Variants in CCDC81 observed in about 807,000 individuals in gnomAD.
CCDC81 encodes the protein coiled-coil domain-containing protein 81.
Under a neutral mutation model 83.7 loss-of-function variants are expected in CCDC81, and 79 were observed. The observed-to-expected ratio is 0.94, with a 90% CI of 0.79 to 1.14. The LOEUF is 1.14. CCDC81 is among the 50% of genes most tolerant of loss of function. The probability of loss-of-function intolerance (pLI) is 0.00; values close to 1 mark genes in which losing one functional copy is unlikely to be tolerated. For synonymous variants in CCDC81, 252 were observed against 278.1 expected (o/e 0.91, Z 0.93); for missense variants, 791 against 778.1 (o/e 1.02, Z -0.20).
intron 6 of CCDC81, 40 bp from the exon 7 acceptor site, chr11:86,400,638 T>C: frequency 2.6e-6 from 4 of 1,565,040 alleles, no homozygotes; most frequent in Non-Finnish European, 3.5e-6. Flanking sequence ...GGTTTGAGAG[T>C]TGAAAGGAGA....
intron 7 of CCDC81, among the ~76,000 whole-genome samples, chr11:86,407,028 A>C (rs764588309): frequency 5.3e-5 from 8 of 152,104 alleles, no homozygotes; most frequent in African/African-American, 4.8e-5. Flanking sequence ...TCAGATATCT[A>C]CACTGTTGTT....
Position 86,398,124 on chromosome 11 carries a change from C to T in CCDC81, c.757+382C>T, listed in dbSNP as rs144239409. The stretch of plus-strand genomic sequence containing the variant: ...TGCTGGGATTACAGGCATGAACCAC[C>T]GCACCCAGCCACAAATAATCACTAT... On this transcript the variant is annotated intron_variant, in intron 6 of 14. Coordinates refer to ENST00000445632, the MANE Select transcript of CCDC81 (RefSeq NM_001156474.2). 1.8e-4 allele frequency among the ~76,000 whole-genome samples: 28 copies of T among 152,226 alleles called. No individual in the cohort carries two copies. The East Asian group carries it at 4.8e-3, about 26-fold the overall frequency.
At chr11:86,419,039 A>G (rs1045665760) in intron 13 of CCDC81, 3 of 152,232 alleles carry the variant, frequency 2.0e-5, no homozygotes, top group African/African-American at 7.2e-5. Flanking sequence ...TTGTTAGATG[A>G]AAAGGTGTGC....
Position 86,422,816 on chromosome 11 carries a change from C to T in CCDC81, c.*101C>T, listed in dbSNP as rs768269628. 21 of 1,219,636 alleles carry T rather than the reference C, an allele frequency of 1.7e-5. No homozygotes were observed. The highest frequency in any genetic ancestry group is 2.3e-5 in the Non-Finnish European group (20 of 872,888). The allele number at this position is 1,219,636 out of a possible 1,614,324, so 75.6% of individuals were successfully genotyped here. A position where few individuals can be genotyped will look rare whatever the true frequency, so the allele number is the denominator to read the frequency against. ...GTATTTTTACCTCAGAGAAAAAAAT[C>T]ATTGTTTAGGTTTGGTGCTTTCATT... On this transcript the variant is annotated 3_prime_UTR_variant, in exon 15 of 15. Transcript: ENST00000445632.
At chr11:86,408,534 A>T (rs1948594202) in intron 9 of CCDC81, among the ~76,000 whole-genome samples, 1 of 152,044 alleles carries the variant, frequency 6.6e-6, no homozygotes, top group African/African-American at 2.4e-5. Flanking sequence ...GGGTTTCACC[A>T]TGTTGCCCAG....
intron 7 of CCDC81, among the ~76,000 whole-genome samples, chr11:86,401,498 C>T (rs1436042109): frequency 1.3e-5 from 2 of 152,062 alleles, no homozygotes; most frequent in Admixed American, 6.6e-5. Context: ...TTACTAAAGT[C>T]ATGTTAAAAA....
Position 86,422,959 on chromosome 11 carries a change from T to G in CCDC81, c.*244T>G. 1 of 424,924 alleles carries G rather than the reference T, an allele frequency of 2.4e-6. No individual in the cohort carries two copies. Among genetic ancestry groups the G allele is most frequent in the Non-Finnish European group, 4.2e-6 (1 of 237,682 alleles). The allele number at this position is 424,924 out of a possible 1,614,324, so 26.3% of individuals were successfully genotyped here. ...CTGAATGGTCCTGAGGGCTAGAACC[T>G]GCTGCACAGGGGCTGGGAATGGGAT... On this transcript the variant is annotated 3_prime_UTR_variant, in exon 15 of 15. Transcript: ENST00000445632.
intron 3 of CCDC81, among the ~76,000 whole-genome samples, chr11:86,388,210 C>CTTCCTTCCT (rs1555190674): frequency 6.9e-6 from 1 of 144,296 alleles, no homozygotes; most frequent in Non-Finnish European, 1.5e-5. Context: ...CCCTCCTTCC[C>CTTCCTTCCT]TCCTTCCTTC....
At chr11:86,422,455 C>T (rs1948805659) in intron 14 of CCDC81, 119 bp from the exon 15 acceptor site, 1 of 828,724 alleles carries the variant, frequency 1.2e-6, no homozygotes, top group East Asian at 2.5e-5. Context: ...CTGCAGCATA[C>T]AGGCAGAGAA....
chr11:86,402,408 A>G (rs886498513), intron 7 of CCDC81, among the ~76,000 whole-genome samples: 18 of 152,170 alleles, frequency 1.2e-4, no homozygotes, highest in African/African-American at 4.3e-4. Context: ...GTTACATTTA[A>G]TAAGTGGTGA....
intron 14 of CCDC81, among the ~76,000 whole-genome samples, chr11:86,421,102 G>C (rs181420579): frequency 1.3e-3 from 200 of 152,258 alleles, no homozygotes; most frequent in African/African-American, 4.6e-3. Flanking sequence ...CTTCTCTGAG[G>C]ACCTAGGCCA....
chr11:86,382,244 A>C (rs933302992), intron 1 of CCDC81, among the ~76,000 whole-genome samples: 3 of 152,168 alleles, frequency 2.0e-5, no homozygotes, highest in African/African-American at 7.2e-5. Context: ...GGGAATGAAT[A>C]GGAGGGTCAA....
intron 13 of CCDC81, 99 bp downstream of exon 13, chr11:86,415,412 A>C: frequency 6.8e-6 from 6 of 887,830 alleles, no homozygotes; most frequent in Non-Finnish European, 1.1e-5. Context: ...CATCTTTCTC[A>C]TACAATAGTG....
In CCDC81 at chr11:86,412,513, TAC is replaced by T; in HGVS notation, c.1347_1348del (p.Tyr449Ter). 1 of 1,613,628 alleles carries T rather than the reference TAC, an allele frequency of 6.2e-7. No individual in the cohort carries two copies. Among genetic ancestry groups the T allele is most frequent in the Non-Finnish European group, 8.5e-7 (1 of 1,179,860 alleles). On this transcript the variant is annotated frameshift_variant, in exon 11 of 15. Transcript: ENST00000445632. LOFTEE classifies it high-confidence loss of function. ...GGAAAACGAAATAAAGCAAAGACAA[TAC>T]AGAGAGTTGATGGACCGCCTGGAAC... Reference protein sequence around the residue: ...RQENEIKQRQYRELMDRLEQV... With the variant: ...RQENEIKQRQXRELMDRLEQV...
intron 7 of CCDC81, among the ~76,000 whole-genome samples, chr11:86,404,206 C>G (rs1438304931): frequency 6.6e-6 from 1 of 152,302 alleles, no homozygotes; most frequent in South Asian, 2.1e-4. Context: ...CGCCCCACCC[C>G]AGATTTTGAG....
At chr11:86,394,475 G>A (rs1029496052) in intron 4 of CCDC81, among the ~76,000 whole-genome samples, 1 of 152,188 alleles carries the variant, frequency 6.6e-6, no homozygotes, top group African/African-American at 2.4e-5. Context: ...TCATGGAATT[G>A]TAGGTTAATC....
intron 1 of CCDC81, among the ~76,000 whole-genome samples, chr11:86,381,872 G>A (rs988935158): frequency 6.6e-6 from 1 of 152,174 alleles, no homozygotes; most frequent in African/African-American, 2.4e-5. Context: ...GAGTTGTGAA[G>A]AATGAGTTGG....
At position 86,414,869 on chromosome 11, in the gene CCDC81, T is replaced by TAAGG; in HGVS notation, c.1470+3_1470+6dup. ...TACAAGAGAGCTTTGGATGCACAGGTAAGGGGACAGACAAATATTATTTTT... is the reference window on the plus strand; with the variant it reads ...TACAAGAGAGCTTTGGATGCACAGGTAAGGAAGGGGACAGACAAATATTATTTTT... On this transcript the variant is annotated splice_region_variant and intron_variant, in intron 12 of 14. Transcript: ENST00000445632. The TAAGG allele has an allele frequency of 6.3e-7, 1 of 1,596,888 alleles. No individual in the cohort carries two copies. Among genetic ancestry groups the TAAGG allele is most frequent in the Non-Finnish European group, 8.5e-7 (1 of 1,174,416 alleles).
rs1046178056 is a variant in CCDC81, at chr11:86,392,623, G to A, written c.381G>A (p.Val127=). 5.2e-6 allele frequency: 8 copies of A among 1,551,548 alleles called. No individual in the cohort carries two copies. The highest frequency in any genetic ancestry group is 7.0e-6 in the Non-Finnish European group (8 of 1,146,974). The change falls in exon 4 of 15, where the codon GTG becomes GTA. Residue 127 remains valine (V), a synonymous_variant. Transcript: ENST00000445632. ...ACAGAGATGTAGTGGAAGGATGTGT[G>A]AAGGAGACGTTGCTTTTTTTATCGC... The part of the protein sequence containing the change: ...PFNRDVVEGC[V]KETLLFLSRS...
Sources: allele counts gnomAD v4.1 joint callset (sites outside exome capture counted in the v4.1 genomes callset), GRCh38; gene constraint gnomAD v4.1.1; transcripts MANE v1.5; gene names NCBI Gene and HGNC (gene_info 2026-07-23, HGNC 2026-07-21).